The following VPS13D variants were observed in gnomAD, a reference collection of about 807,000 sequenced individuals.
The protein encoded by VPS13D is intermembrane lipid transfer protein VPS13D.
A neutral mutation model predicts 461.9 loss-of-function variants in VPS13D; 187 were observed. The observed-to-expected ratio is 0.40, with a 90% confidence interval of 0.36 to 0.46. The LOEUF is 0.46. VPS13D is among the 20% of genes least tolerant of loss of function. VPS13D has a pLI of 0.60. For missense variants in VPS13D, 4,711 were observed against 5,364.9 expected (o/e 0.88, Z 3.81); for synonymous variants, 1,951 against 1,986.3 (o/e 0.98, Z 0.47).
intron 7 of VPS13D, among the ~76,000 whole-genome samples, chr1:12,255,390 A>G (rs985043184): frequency 2.6e-5 from 4 of 152,220 alleles, no homozygotes; most frequent in African/African-American, 4.8e-5. Context: ...TAAGGTAAAA[A>G]CAGCATATAT....
At position 12,460,517 on chromosome 1, in the gene VPS13D, T is replaced by C. The variant is rs914522756; in HGVS notation, c.12662+121T>C. The C allele has an allele frequency of 1.2e-5, 11 of 952,098 alleles. No individual in the cohort carries two copies. In the African/African-American group the frequency reaches 1.9e-4, roughly 16 times the overall value. 59.0% of individuals were successfully genotyped at this position (952,098 alleles called of 1,614,324 possible). On this transcript the variant is annotated intron_variant, in intron 67 of 69. Transcript: ENST00000620676. ...GTTATAGGGTTTTTAATTCAAATACTTGTAACTGAAATTTCTGATCTGCCT... is the reference window on the plus strand; with the variant it reads ...GTTATAGGGTTTTTAATTCAAATACCTGTAACTGAAATTTCTGATCTGCCT...
intron 65 of VPS13D, among the ~76,000 whole-genome samples, chr1:12,418,254 G>T (rs1644820754): frequency 6.6e-6 from 1 of 152,164 alleles, no homozygotes. Context: ...TTTGAAAGTG[G>T]TGAGACTCAG....
At position 12,282,965 on chromosome 1, in the gene VPS13D, C is replaced by T; in HGVS notation, c.4863C>T (p.Thr1621=). The stretch of plus-strand genomic sequence containing the variant: ...AATCCTTTACTCAGATTCAAGCCAC[C>T]TTTTGTATATCAGAGCTTCAGGTTC... ...EVKSFTQIQA[T]FCISELQVQL... Residue 1621 remains threonine (T), a synonymous_variant, in exon 21 of 70, where the codon ACC becomes ACT. Coordinates refer to ENST00000620676, the MANE Select transcript of VPS13D (RefSeq NM_015378.4). 6.2e-7 allele frequency: 1 copy of T among 1,614,152 alleles called. No homozygotes were observed. The highest frequency in any genetic ancestry group is 8.5e-7 in the Non-Finnish European group (1 of 1,180,016).
At chr1:12,294,572 T>G (rs1475754474) in intron 24 of VPS13D, among the ~76,000 whole-genome samples, 2 of 152,046 alleles carry the variant, frequency 1.3e-5, no homozygotes, top group Admixed American at 6.5e-5. Context: ...CCTAGCACTT[T>G]GGGAGGCCGA....
chr1:12,244,471 T>C (rs1640480390), intron 4 of VPS13D, 35 bp downstream of exon 4: 1 of 1,614,060 alleles, frequency 6.2e-7, no homozygotes, highest in Admixed American at 1.7e-5. Flanking sequence ...TAAGAGCAGT[T>C]GTGGTGACAC....
chr1:12,442,637 C>A lies in VPS13D; in HGVS notation c.12334-13361C>A, dbSNP rs565465445. ...TGTAGACAGGGTCTGGCTTTGTCAC[C>A]CAGGCTGGAGTGCAGTGGCATCATC... On this transcript the variant is annotated intron_variant, in intron 65 of 69. Transcript: ENST00000620676. Among the ~76,000 whole-genome samples, 3 of 151,518 alleles carry A rather than the reference C, an allele frequency of 2.0e-5. No homozygotes were observed. In the East Asian group the frequency reaches 5.8e-4, roughly 29 times the overall value.
At chr1:12,482,098 T>A (rs1264830032) in intron 67 of VPS13D, among the ~76,000 whole-genome samples, 1 of 152,164 alleles carries the variant, frequency 6.6e-6, no homozygotes, top group Admixed American at 6.5e-5. Context: ...GAGAAGTAAG[T>A]CAGGCAGGCT....
chr1:12,480,179 G>A (rs568953329), intron 67 of VPS13D, among the ~76,000 whole-genome samples: 1 of 152,318 alleles, frequency 6.6e-6, no homozygotes, highest in Admixed American at 6.5e-5. Flanking sequence ...GTGCCAGTTT[G>A]TCACAGAATA....
At chr1:12,412,544 T>C (rs534363015) in intron 63 of VPS13D, among the ~76,000 whole-genome samples, 144 of 152,210 alleles carry the variant, frequency 9.5e-4, no homozygotes, top group Non-Finnish European at 1.5e-3. Flanking sequence ...CATACTGCGG[T>C]AGTGGAACGG....
At chr1:12,372,221 T>C (rs1570030218) in intron 54 of VPS13D, among the ~76,000 whole-genome samples, 1 of 152,186 alleles carries the variant, frequency 6.6e-6, no homozygotes, top group African/African-American at 2.4e-5. Context: ...GCCCAGCTAA[T>C]TGAAAAAAAA....
chr1:12,384,578 G>A (rs956166381), intron 58 of VPS13D, among the ~76,000 whole-genome samples: 3 of 152,110 alleles, frequency 2.0e-5, no homozygotes, highest in Admixed American at 1.3e-4. Flanking sequence ...GTAGCAATGA[G>A]CTCTCTGAGA....
intron 6 of VPS13D, among the ~76,000 whole-genome samples, chr1:12,250,669 T>G (rs1490496012): frequency 6.6e-6 from 1 of 152,226 alleles, no homozygotes; most frequent in Non-Finnish European, 1.5e-5. Context: ...TCTCCTTGAT[T>G]TTCACCACTG....
chr1:12,367,857 T>G (rs1424638596), intron 52 of VPS13D, among the ~76,000 whole-genome samples: 1 of 152,198 alleles, frequency 6.6e-6, no homozygotes, highest in African/African-American at 2.4e-5. Context: ...TCCACCCATC[T>G]CAGCCTCCCG....
In VPS13D at chr1:12,351,831, G is replaced by T. The variant is rs1045746957; in HGVS notation, c.9432-2143G>T. The stretch of plus-strand genomic sequence containing the variant: ...GGTCTTGAACTCCTGACCTCAAGCA[G>T]TCTGCCCACTTTGGCCTCCCAAAGT... On this transcript the variant is annotated intron_variant, in intron 46 of 69. Coordinates refer to ENST00000620676, the MANE Select transcript of VPS13D (RefSeq NM_015378.4). Among the ~76,000 whole-genome samples, 4 of 141,130 alleles carry T rather than the reference G, an allele frequency of 2.8e-5. No individual in the cohort carries two copies. The South Asian group carries it at 9.5e-4, about 33-fold the overall frequency. 92.6% of individuals were successfully genotyped at this position (141,130 alleles called of 152,430 possible).
chr1:12,399,884 G>A (rs1217433229), intron 60 of VPS13D, among the ~76,000 whole-genome samples: 1 of 152,126 alleles, frequency 6.6e-6, no homozygotes, highest in African/African-American at 2.4e-5. Flanking sequence ...TTTTTATGTT[G>A]TGGAATGGCT....
At chr1:12,500,035 A>G (rs2100548892) in intron 68 of VPS13D, 1 of 985,232 alleles carries the variant, frequency 1.0e-6, no homozygotes, top group South Asian at 4.7e-5. Flanking sequence ...ATGTTTCCAC[A>G]TTTTTTTCCA....
At chr1:12,355,660 G>A (rs1199596958) in intron 47 of VPS13D, among the ~76,000 whole-genome samples, 1 of 151,930 alleles carries the variant, frequency 6.6e-6, no homozygotes, top group South Asian at 2.1e-4. Flanking sequence ...AATCATATGG[G>A]TTAGGATATC....
intron 54 of VPS13D, among the ~76,000 whole-genome samples, chr1:12,371,893 A>C (rs983852649): frequency 2.6e-5 from 4 of 152,150 alleles, no homozygotes; most frequent in Non-Finnish European, 5.9e-5. Context: ...TATACAGAAG[A>C]GTGGAGTTGC....
At chr1:12,369,327 A>C in intron 53 of VPS13D, 140 bp from the exon 54 acceptor site, 1 of 764,364 alleles carries the variant, frequency 1.3e-6, no homozygotes, top group Non-Finnish European at 2.2e-6. Context: ...AGGTGAGATG[A>C]TGAATTTCAC....
Sources: allele counts gnomAD v4.1 joint callset (sites outside exome capture counted in the v4.1 genomes callset), GRCh38; gene constraint gnomAD v4.1.1; transcripts MANE v1.5; gene names NCBI Gene and HGNC (gene_info 2026-07-23, HGNC 2026-07-21).